Variants in CNTN4 observed in about 807,000 individuals in gnomAD.
CNTN4 encodes the protein contactin 4, also known as contactin-4.
Under a neutral mutation model 122.5 loss-of-function variants are expected in CNTN4, and 77 were observed. That is an observed-to-expected ratio of 0.63 (90% CI 0.52 to 0.76). CNTN4 has a LOEUF of 0.76. CNTN4 is among the 30% of genes least tolerant of loss of function. The pLI, the probability that CNTN4 is intolerant of heterozygous loss-of-function variation, is 0.00. For missense variants in CNTN4, 1,256 were observed against 1,259.1 expected (o/e 1.00, Z 0.04); for synonymous variants, 512 against 447.0 (o/e 1.15, Z -1.83).
At chr3:2,812,666 C>G (rs1047307707) in intron 6 of CNTN4, among the ~76,000 whole-genome samples, 20 of 152,062 alleles carry the variant, frequency 1.3e-4, no homozygotes, top group Non-Finnish European at 2.1e-4. Flanking sequence ...TTTCTGTAAA[C>G]TTTCCTTTGG....
chr3:2,158,343 A>G (rs2035810850), intron 2 of CNTN4, among the ~76,000 whole-genome samples: 1 of 152,250 alleles, frequency 6.6e-6, no homozygotes, highest in Non-Finnish European at 1.5e-5. Context: ...CCAATGTTTC[A>G]TAAAATATAT....
intron 3 of CNTN4, among the ~76,000 whole-genome samples, chr3:2,560,353 G>A (rs557104082): frequency 6.6e-6 from 1 of 152,042 alleles, no homozygotes; most frequent in East Asian, 1.9e-4. Flanking sequence ...TGTTGCTCAG[G>A]CTGGTCTCGA....
At chr3:2,804,202 G>T (rs1324716081) in intron 6 of CNTN4, among the ~76,000 whole-genome samples, 1 of 152,044 alleles carries the variant, frequency 6.6e-6, no homozygotes, top group Non-Finnish European at 1.5e-5. Context: ...TACTGGCAAT[G>T]CTTCATTTGT....
chr3:2,811,407 C>CA lies in CNTN4; in HGVS notation c.359-8064dup, dbSNP rs143290005. On this transcript the variant is annotated intron_variant, in intron 6 of 24. Transcript: ENST00000418658. ...TGGGCGATAGAGCAAGACTCAGTGT[C>CA]AAAAAAAAAAAAAAAGTTTTGGTCC... 1.7e-3 allele frequency among the ~76,000 whole-genome samples: 208 copies of CA among 124,082 alleles called. 1 individual carries two copies. Among genetic ancestry groups the CA allele is most frequent in the Admixed American group, 3.8e-3 (46 of 12,096 alleles). The allele number at this position is 124,082 out of a possible 152,430, so 81.4% of individuals were successfully genotyped here.
In CNTN4 at chr3:3,040,073, G is replaced by A; in HGVS notation, c.2200G>A (p.Gly734Ser). The A allele has an allele frequency of 1.2e-6, 2 of 1,614,068 alleles. No homozygotes were observed. The highest frequency in any genetic ancestry group is 1.7e-6 in the Non-Finnish European group (2 of 1,179,888). The change falls in exon 20 of 25, where the codon GGT (glycine) becomes AGT (serine). Residue 734 changes from glycine (G) to serine (S), a missense_variant. Coordinates refer to ENST00000418658, the MANE Select transcript of CNTN4 (RefSeq NM_175607.3). Reference protein sequence around the residue: ...PEELQNGRGFGYVVAFRPYGK... With the variant: ...PEELQNGRGFSYVVAFRPYGK... ...GGAATTACAGAATGGTCGAGGCTTT[G>A]GTTATGTGGTGGCCTTCCGGCCCTA...
intron 3 of CNTN4, among the ~76,000 whole-genome samples, chr3:2,378,402 T>G (rs1575499341): frequency 6.6e-6 from 1 of 152,168 alleles, no homozygotes; most frequent in Admixed American, 6.5e-5. Context: ...CCACTCACAC[T>G]GGTTAGAAGT....
At chr3:2,487,960 C>T (rs564815391) in intron 3 of CNTN4, among the ~76,000 whole-genome samples, 1 of 152,230 alleles carries the variant, frequency 6.6e-6, no homozygotes, top group South Asian at 2.1e-4. Context: ...AAATAAAGAG[C>T]CAACTTAGCA....
intron 14 of CNTN4, among the ~76,000 whole-genome samples, chr3:2,991,494 A>T (rs1009946066): frequency 2.6e-5 from 4 of 152,126 alleles, no homozygotes; most frequent in Non-Finnish European, 4.4e-5. Flanking sequence ...ATATGTTCTC[A>T]GGAGTTAACA....
rs147337037 is a variant in CNTN4 at position 2,978,146 on chromosome 3, C to T, written c.1359-10199C>T. Among the ~76,000 whole-genome samples the T allele has an allele frequency of 2.4e-4, 36 of 152,264 alleles. No homozygotes were observed. In the East Asian group the frequency reaches 5.8e-3, roughly 25 times the overall value. ...AGTATAGATCTTTATTGTTGTAAAG[C>T]GCCTAGTTTGTGGTGTGTTGCTATG... On this transcript the variant is annotated intron_variant, in intron 13 of 24. Coordinates refer to ENST00000418658, the MANE Select transcript of CNTN4 (RefSeq NM_175607.3).
intron 6 of CNTN4, among the ~76,000 whole-genome samples, chr3:2,800,174 G>A (rs947880738): frequency 6.7e-6 from 1 of 149,664 alleles, no homozygotes; most frequent in Admixed American, 6.7e-5. Context: ...AAAAAAAAAT[G>A]AGAAATGACA....
intron 3 of CNTN4, among the ~76,000 whole-genome samples, chr3:2,417,832 G>T (rs1005611453): frequency 2.6e-5 from 4 of 152,128 alleles, no homozygotes; most frequent in African/African-American, 9.7e-5. Flanking sequence ...GCCATGAAAA[G>T]ACATAGAAGA....
intron 3 of CNTN4, among the ~76,000 whole-genome samples, chr3:2,455,140 G>A (rs896712602): frequency 6.6e-6 from 1 of 152,118 alleles, no homozygotes; most frequent in African/African-American, 2.4e-5. Context: ...AGGTAGGGAT[G>A]GACTTATGAG....
At chr3:3,004,570 G>C (rs1696419539) in intron 14 of CNTN4, among the ~76,000 whole-genome samples, 1 of 152,184 alleles carries the variant, frequency 6.6e-6, no homozygotes, top group Non-Finnish European at 1.5e-5. Context: ...AGACAAATCA[G>C]GTTCTAATCT....
intron 2 of CNTN4, among the ~76,000 whole-genome samples, chr3:2,175,604 T>C (rs1461557708): frequency 6.6e-6 from 1 of 152,206 alleles, no homozygotes; most frequent in African/African-American, 2.4e-5. Context: ...TTCAATGCCA[T>C]ACAGAGGATT....
At chr3:2,695,017 T>A (rs1377455906) in intron 4 of CNTN4, among the ~76,000 whole-genome samples, 12 of 152,166 alleles carry the variant, frequency 7.9e-5, no homozygotes, top group Admixed American at 7.9e-4. Flanking sequence ...GGTAAATGTT[T>A]AGTTTTGGAG....
chr3:2,705,819 A>G (rs2086674679), intron 4 of CNTN4, among the ~76,000 whole-genome samples: 1 of 106,244 alleles, frequency 9.4e-6, no homozygotes, highest in African/African-American at 3.9e-5. Context: ...TATATATAAT[A>G]TATAATAAAT....
At chr3:2,819,407 C>A (rs1576922741) in intron 6 of CNTN4, 79 bp from the exon 7 acceptor site, 3 of 1,129,052 alleles carry the variant, frequency 2.7e-6, no homozygotes, top group African/African-American at 1.5e-5. Flanking sequence ...GAATGATTCT[C>A]TTTTGAAATA....
At chr3:2,697,987 C>T (rs2086141018) in intron 4 of CNTN4, among the ~76,000 whole-genome samples, 1 of 152,142 alleles carries the variant, frequency 6.6e-6, no homozygotes, top group South Asian at 2.1e-4. Context: ...CAAAAAACAC[C>T]TTGTAACATT....
At position 2,831,633 on chromosome 3, in the gene CNTN4, T is replaced by A. The variant is rs2093107421; in HGVS notation, c.454+12052T>A. 2.0e-5 allele frequency among the ~76,000 whole-genome samples: 3 copies of A among 152,302 alleles called. No individual in the cohort carries two copies. The South Asian group carries it at 6.2e-4, about 32-fold the overall frequency. ...TGCAGGTTAACACATTATCACAATC[T>A]TCACTGTCACAATTAACCCCTGGAA... On this transcript the variant is annotated intron_variant, in intron 7 of 24. Transcript: ENST00000418658.
Sources: allele counts gnomAD v4.1 joint callset (sites outside exome capture counted in the v4.1 genomes callset), GRCh38; gene constraint gnomAD v4.1.1; transcripts MANE v1.5; gene names NCBI Gene and HGNC (gene_info 2026-07-23, HGNC 2026-07-21).